The following P3H4 variants were observed in gnomAD, a reference collection of about 807,000 sequenced individuals.
P3H4 encodes prolyl 3-hydroxylase family member 4 (inactive).
A neutral mutation model predicts 52.9 loss-of-function variants in P3H4; 47 were observed. The observed-to-expected ratio is 0.89, with a 90% CI of 0.70 to 1.13. P3H4 has a LOEUF of 1.13. Among genes scored for constraint, P3H4 ranks in the 50% most tolerant of loss-of-function variants. The probability of loss-of-function intolerance (pLI) is 0.00; values close to 1 mark genes in which losing one functional copy is unlikely to be tolerated. For synonymous variants in P3H4, 256 were observed against 267.9 expected, an observed-to-expected ratio of 0.96 and a Z score of 0.44; for missense variants, 585 against 611.0, an observed-to-expected ratio of 0.96 and a Z score of 0.45.
chr17:41,810,397 C>A (rs1385930322), intron 3 of P3H4, among the ~76,000 whole-genome samples: 2 of 152,030 alleles, frequency 1.3e-5, no homozygotes, highest in African/African-American at 4.8e-5. Flanking sequence ...TGGTCTTGAA[C>A]TCCTGACCTC....
chr17:41,809,861 G>A lies in P3H4; in HGVS notation c.788-27C>T, dbSNP rs377088985. The A allele has an allele frequency of 8.7e-6, 14 of 1,603,902 alleles. No individual in the cohort carries two copies. The African/African-American group carries it at 1.9e-4, about 21-fold the overall frequency. ...TGAGGGTGGGAGGCAGCAGTGAGAG[G>A]CTGGCATTGCAATGAACATCTCCGT... On this transcript the variant is annotated intron_variant, in intron 3 of 7. Coordinates refer to ENST00000393928, the MANE Select transcript of P3H4 (RefSeq NM_006455.3).
rs782054576 is a variant in P3H4 at position 41,811,753 on chromosome 17, T to G, written c.163A>C (p.Ser55Arg). 234 of 1,522,526 alleles carry G rather than the reference T, an allele frequency of 1.5e-4. 1 individual carries two copies. Among genetic ancestry groups the G allele is most frequent in the Non-Finnish European group, 2.5e-5 (29 of 1,147,316 alleles). The allele number at this position is 1,522,526 out of a possible 1,614,324, so 94.3% of individuals were successfully genotyped here. ...EQYEGESWRE[S>R]ARYLEAALRL... ...AGCGCCGCCTCCAGGTAGCGCGCGCTCTCGCGCCAGCTCTCTCCCTCGTAC... is the reference window on the plus strand; with the variant it reads ...AGCGCCGCCTCCAGGTAGCGCGCGCGCTCGCGCCAGCTCTCTCCCTCGTAC... Residue 55 changes from serine to arginine, a missense_variant, in exon 1 of 8, where the codon AGC becomes CGC. By Grantham distance (110) the Ser-to-Arg change is moderately radical. Transcript: ENST00000393928. This position sits in a 1 kb window ranked among gnomAD's most constrained non-coding sequence, Gnocchi z 4.8.
At chr17:41,805,173 G>C (rs2144015554) in intron 6 of P3H4, among the ~76,000 whole-genome samples, 1 of 151,080 alleles carries the variant, frequency 6.6e-6, no homozygotes, top group African/African-American at 2.4e-5. Flanking sequence ...TGTGGTCCCA[G>C]CTACTTGGGA....
At position 41,811,862 on chromosome 17, in the gene P3H4, C is replaced by T; in HGVS notation, c.54G>A (p.Ala18=). The stretch of plus-strand genomic sequence containing the variant: ...CCCGGAAGCTGTACTTCTCGTACTG[C>T]GCCCCGGCGCTGCCCAGCAGCAACC... ...LLWLLLGSAG[A]QYEKYSFRGF... is the part of the protein sequence containing the mutation. The change falls in exon 1 of 8, where the codon GCG becomes GCA. Residue 18 remains alanine (A), a synonymous_variant. Coordinates refer to ENST00000393928, the MANE Select transcript of P3H4 (RefSeq NM_006455.3). The surrounding 1 kb of genome is among the most constrained non-coding windows in gnomAD (Gnocchi z 4.8). 6.5e-7 allele frequency: 1 copy of T among 1,541,604 alleles called. No homozygotes were observed. Among genetic ancestry groups the T allele is most frequent in the African/African-American group, 1.4e-5 (1 of 70,726 alleles).
chr17:41,811,066 GC>G lies in P3H4; in HGVS notation c.616-33del. The G allele has an allele frequency of 6.2e-7, 1 of 1,607,298 alleles. No homozygotes were observed. The highest frequency in any genetic ancestry group is 8.5e-7 in the Non-Finnish European group (1 of 1,174,864). On this transcript the variant is annotated intron_variant, in intron 2 of 7. Transcript: ENST00000393928. This position sits in a 1 kb window ranked among gnomAD's most constrained non-coding sequence, Gnocchi z 4.8. ...GGGGCGTGGCAGGGGGAGTCAGGGC[GC>G]CCCCAACATCTCCCCTCCTCTACTA... is the stretch of plus-strand genomic sequence containing the variant.
chr17:41,811,899 C>A lies in P3H4; in HGVS notation c.17G>T (p.Trp6Leu). The A allele has an allele frequency of 6.6e-7, 1 of 1,516,090 alleles. No individual in the cohort carries two copies. The highest frequency in any genetic ancestry group is 2.7e-5 in the East Asian group (1 of 36,830). 93.9% of individuals were successfully genotyped at this position (1,516,090 alleles called of 1,614,324 possible). Residue 6 changes from tryptophan to leucine, a missense_variant, in exon 1 of 8, where the codon TGG becomes TTG. Transcript: ENST00000393928. The surrounding 1 kb of genome is among the most constrained non-coding windows in gnomAD (Gnocchi z 4.8). ...GCCCAGCAGCAACCACAGCAGCCCC[C>A]ACGCCACCCGAGCCATGCCCGCCGC... is the stretch of plus-strand genomic sequence containing the variant. MARVA[W>L]GLLWLLLGSA...
At chr17:41,807,765 T>C in intron 5 of P3H4, 94 bp downstream of exon 5, 1 of 1,473,378 alleles carries the variant, frequency 6.8e-7, no homozygotes, top group Non-Finnish European at 9.1e-7. Context: ...CCCAAAGTGC[T>C]GGGATTACAG....
In P3H4 at chr17:41,810,456, G is replaced by A. The variant is rs531278821; in HGVS notation, c.787+407C>T. Among the ~76,000 whole-genome samples the A allele has an allele frequency of 3.3e-5, 5 of 152,246 alleles. No homozygotes were observed. The East Asian group carries it at 9.6e-4, about 29-fold the overall frequency. On this transcript the variant is annotated intron_variant, in intron 3 of 7. Transcript: ENST00000393928. ...CAGAGTGCTGAGATTACAGGTGTGA[G>A]CCACCACACCTGGCCAAGTACAGTC...
In P3H4 at chr17:41,802,510, C is replaced by T. The variant is rs2047628302; in HGVS notation, c.*447G>A. ...TGAACTCCTGACCTCAAGTGATCGG[C>T]CTCTCAGTGCTGGGATTACAGGCGT... On this transcript the variant is annotated 3_prime_UTR_variant, in exon 8 of 8. Transcript: ENST00000393928. The T allele has an allele frequency of 5.6e-6, 1 of 177,128 alleles. No individual in the cohort carries two copies. The highest frequency in any genetic ancestry group is 6.5e-5 in the Admixed American group (1 of 15,282). 11.0% of individuals were successfully genotyped at this position (177,128 alleles called of 1,614,324 possible). A position where few individuals can be genotyped will look rare whatever the true frequency, so the allele number is the denominator to read the frequency against.
Position 41,803,421 on chromosome 17 carries a change from T to C in P3H4, c.1157A>G (p.Glu386Gly). ...AGGCTCCAGGGGCGGTTCTGTCTCC[T>C]CCAGCTCCATCTAGAGTAGCGCCAC... is the stretch of plus-strand genomic sequence containing the variant. ...YLQSDDEMELEETEPPLEPED... is the reference protein window; with the variant it reads ...YLQSDDEMELGETEPPLEPED... Residue 386 changes from glutamate (E) to glycine (G), a missense_variant, in exon 7 of 8, where the codon GAG becomes GGG. Glu to Gly is a moderately conservative substitution (Grantham distance 98). Coordinates refer to ENST00000393928, the MANE Select transcript of P3H4 (RefSeq NM_006455.3). 1 of 1,613,678 alleles carries C rather than the reference T, an allele frequency of 6.2e-7. No homozygotes were observed. Among genetic ancestry groups the C allele is most frequent in the Non-Finnish European group, 8.5e-7 (1 of 1,179,776 alleles).
At chr17:41,804,735 C>T (rs181383169) in intron 6 of P3H4, among the ~76,000 whole-genome samples, 7 of 151,686 alleles carry the variant, frequency 4.6e-5, no homozygotes, top group East Asian at 2.0e-4. Context: ...TTTGGGAGGC[C>T]GAGGCAAGCG....
At chr17:41,810,048 A>G (rs568455683) in intron 3 of P3H4, among the ~76,000 whole-genome samples, 23 of 151,428 alleles carry the variant, frequency 1.5e-4, no homozygotes, top group African/African-American at 5.6e-4. Flanking sequence ...GGCTGGGCTG[A>G]CTCACCACCC....
In P3H4 at chr17:41,803,271, G is replaced by T. The variant is rs928562360; in HGVS notation, c.1291+16C>A. 4 of 1,609,430 alleles carry T rather than the reference G, an allele frequency of 2.5e-6. No homozygotes were observed. In the African/African-American group the frequency reaches 5.3e-5, roughly 22 times the overall value. On this transcript the variant is annotated intron_variant, in intron 7 of 7. Coordinates refer to ENST00000393928, the MANE Select transcript of P3H4 (RefSeq NM_006455.3). ...CCAGGCTGCATCCCCACCCCCCAAG[G>T]ACTCGTGTCACTGACCAGCCTCGGC...
rs147105584 is a variant in P3H4, at chr17:41,806,823, G to C, written c.1119C>G (p.Thr373=). 1.1e-5 allele frequency: 17 copies of C among 1,613,882 alleles called. No homozygotes were observed. In the African/African-American group the frequency reaches 1.5e-4, roughly 14 times the overall value. The stretch of plus-strand genomic sequence containing the variant: ...CATCATCTGACTGCAGGTACATGTG[G>C]GTGAACTCCAGCAGCTCCCGCAGCT... ...TAELRELLEF[T]HMYLQSDDEM... is the part of the protein sequence containing the mutation. Residue 373 remains threonine, a synonymous_variant, in exon 6 of 8, where the codon ACC becomes ACG. Transcript: ENST00000393928.
chr17:41,811,507 G>A lies in P3H4; in HGVS notation c.409C>T (p.Arg137Cys). ...TAGGGCAGGCGGCTCTGGAAGTCACGCAGCAGCTGCCGCGGCGGGTAGGGC... is the reference window on the plus strand; with the variant it reads ...TAGGGCAGGCGGCTCTGGAAGTCACACAGCAGCTGCCGCGGCGGGTAGGGC... ...QVPYPPRQLL[R>C]DFQSRLPYQY... Residue 137 changes from arginine (R) to cysteine (C), a missense_variant, in exon 1 of 8, where the codon CGT becomes TGT. Physicochemically the swap from Arg to Cys is radical, Grantham distance 180. Coordinates refer to ENST00000393928, the MANE Select transcript of P3H4 (RefSeq NM_006455.3). This position sits in a 1 kb window ranked among gnomAD's most constrained non-coding sequence, Gnocchi z 4.8. 4.3e-6 allele frequency: 7 copies of A among 1,611,784 alleles called. No individual in the cohort carries two copies. The highest frequency in any genetic ancestry group is 5.9e-6 in the Non-Finnish European group (7 of 1,179,634).
rs575973739 is a variant in P3H4, at chr17:41,810,156, G to A, written c.788-322C>T. Among the ~76,000 whole-genome samples, 428 of 148,880 alleles carry A rather than the reference G, an allele frequency of 2.9e-3. 4 individuals carry two copies. Among genetic ancestry groups the A allele is most frequent in the African/African-American group, 9.5e-3 (386 of 40,490 alleles). On this transcript the variant is annotated intron_variant, in intron 3 of 7. Transcript: ENST00000393928. ...ATGGGGCAGAAGTCCAAACAGAGAA[G>A]CTAAAGGACAGTCTTTTTTTTTTTT...
chr17:41,810,718 C>A, intron 3 of P3H4, 145 bp downstream of exon 3: 2 of 1,025,520 alleles, frequency 2.0e-6, no homozygotes, highest in South Asian at 1.7e-5. Flanking sequence ...GGGGCCCCTG[C>A]ACCCAGCGTC....
At chr17:41,806,760 A>C (rs1555614223) in intron 6 of P3H4, 36 bp downstream of exon 6, 1 of 1,582,560 alleles carries the variant, frequency 6.3e-7, no homozygotes, top group African/African-American at 1.3e-5. Context: ...AGGTGTCCCC[A>C]TCACAGCCCA....
intron 6 of P3H4, among the ~76,000 whole-genome samples, chr17:41,804,791 G>A (rs1332011242): frequency 1.3e-5 from 2 of 151,966 alleles, no homozygotes; most frequent in African/African-American, 2.4e-5. Context: ...CCAACGTGGT[G>A]AAACCCTGTC....
Sources: allele counts gnomAD v4.1 joint callset (sites outside exome capture counted in the v4.1 genomes callset), GRCh38; gene constraint gnomAD v4.1.1; non-coding constraint Gnocchi (gnomAD v3.1); transcripts MANE v1.5; gene names NCBI Gene and HGNC (gene_info 2026-07-23, HGNC 2026-07-21).